Variants in ATP8A2 observed in about 807,000 individuals in gnomAD.
ATP8A2 encodes the protein ATPase phospholipid transporting 8A2, also known as phospholipid-transporting ATPase IB.
A neutral mutation model predicts 165.6 loss-of-function variants in ATP8A2; 100 were observed. That is an observed-to-expected ratio of 0.60 (90% confidence interval 0.51 to 0.71). The LOEUF (loss-of-function observed/expected upper bound fraction) is 0.71. Among genes scored for constraint, ATP8A2 ranks in the 30% least tolerant of loss-of-function variants. ATP8A2 has a pLI of 0.00. For synonymous variants in ATP8A2, 543 were observed against 548.8 expected, an observed-to-expected ratio of 0.99 and a Z score of 0.15; for missense variants, 1,227 against 1,479.5, an observed-to-expected ratio of 0.83 and a Z score of 2.80.
intron 24 of ATP8A2, among the ~76,000 whole-genome samples, chr13:25,672,047 A>G (rs990205288): frequency 5.3e-5 from 8 of 152,208 alleles, no homozygotes; most frequent in Non-Finnish European, 8.8e-5. Context: ...AAAAGAACCT[A>G]CATGAATATC....
chr13:25,415,827 T>C (rs2034117228), intron 1 of ATP8A2, among the ~76,000 whole-genome samples: 1 of 152,048 alleles, frequency 6.6e-6, no homozygotes, highest in Non-Finnish European at 1.5e-5. Context: ...TCCCTCTCTA[T>C]CCACTTATCT....
At chr13:25,699,682 C>A (rs2137914500) in intron 25 of ATP8A2, among the ~76,000 whole-genome samples, 1 of 152,266 alleles carries the variant, frequency 6.6e-6, no homozygotes. Flanking sequence ...CATGTCTGAG[C>A]TCAACTTCCA....
chr13:25,748,991 G>A (rs1011325936), intron 25 of ATP8A2, among the ~76,000 whole-genome samples: 4 of 152,232 alleles, frequency 2.6e-5, no homozygotes, highest in African/African-American at 9.6e-5. Context: ...TTTGAAAGGT[G>A]AAATGTGTAT....
intron 1 of ATP8A2, among the ~76,000 whole-genome samples, chr13:25,408,099 T>TCA (rs2033860019): frequency 1.0e-5 from 1 of 96,184 alleles, no homozygotes; most frequent in Non-Finnish European, 2.3e-5. Context: ...ATATTTGACA[T>TCA]TAAAAAAAAA....
intron 33 of ATP8A2, among the ~76,000 whole-genome samples, chr13:25,890,617 C>T (rs1041983485): frequency 6.6e-6 from 1 of 152,202 alleles, no homozygotes; most frequent in Non-Finnish European, 1.5e-5. Flanking sequence ...TTTTAGATGA[C>T]ATTTTACACA....
intron 34 of ATP8A2, 114 bp downstream of exon 34, chr13:25,961,777 G>T (rs759552033): frequency 5.0e-6 from 4 of 807,222 alleles, no homozygotes; most frequent in Non-Finnish European, 8.1e-6. Flanking sequence ...GAAGAAATGG[G>T]TCTCCTGCCA....
intron 33 of ATP8A2, among the ~76,000 whole-genome samples, chr13:25,956,104 A>G (rs1028327078): frequency 6.6e-6 from 1 of 152,170 alleles, no homozygotes; most frequent in Non-Finnish European, 1.5e-5. Context: ...TCAATAAACT[A>G]GGTATTGATG....
intron 1 of ATP8A2, among the ~76,000 whole-genome samples, chr13:25,395,747 G>A (rs2033400339): frequency 3.3e-5 from 5 of 152,110 alleles, no homozygotes; most frequent in Admixed American, 3.3e-4. Context: ...ATGTTGCTCA[G>A]GGGTGTCTCA....
At chr13:25,486,745 G>A (rs1166350151) in intron 2 of ATP8A2, among the ~76,000 whole-genome samples, 2 of 152,120 alleles carry the variant, frequency 1.3e-5, no homozygotes, top group Admixed American at 1.3e-4. Flanking sequence ...CAGGTGCTTC[G>A]CCTGAGCTCA....
intron 25 of ATP8A2, among the ~76,000 whole-genome samples, chr13:25,737,906 G>A (rs566646981): frequency 5.3e-5 from 8 of 152,212 alleles, no homozygotes; most frequent in Middle Eastern, 6.8e-3. Context: ...GGATGGTCTC[G>A]ATCTCCTGAC....
chr13:25,986,263 A>G (rs1380044260), intron 35 of ATP8A2, among the ~76,000 whole-genome samples: 1 of 152,244 alleles, frequency 6.6e-6, no homozygotes, highest in Non-Finnish European at 1.5e-5. Flanking sequence ...CAAGTATACA[A>G]TACATTATTA....
chr13:25,376,114 G>GAAA lies in ATP8A2; in HGVS notation c.76+3833_76+3835dup, dbSNP rs5802329. On this transcript the variant is annotated intron_variant, in intron 1 of 36. Transcript: ENST00000381655. The stretch of plus-strand genomic sequence containing the variant: ...GGTCTGATCCCTTCACTTTACAAAT[G>GAAA]AAAAAAAAATTCGGAGAAATTCCTT... Among the ~76,000 whole-genome samples the GAAA allele has an allele frequency of 4.6e-5, 7 of 151,660 alleles. No individual in the cohort carries two copies. In the South Asian group the frequency reaches 6.3e-4, roughly 14 times the overall value.
chr13:25,887,815 TC>T, intron 33 of ATP8A2, among the ~76,000 whole-genome samples: 1 of 152,334 alleles, frequency 6.6e-6, no homozygotes, highest in South Asian at 2.1e-4. Context: ...TATTGAGGAT[TC>T]CCAGTTTGTT....
intron 35 of ATP8A2, among the ~76,000 whole-genome samples, chr13:25,990,261 T>TGAA (rs71188705): frequency 9.2e-6 from 1 of 108,370 alleles, no homozygotes; most frequent in Non-Finnish European, 1.8e-5. Context: ...CATGTAACTG[T>TGAA]AAAAAAAAAA....
chr13:25,641,773 CA>C (rs1566005432), intron 24 of ATP8A2, among the ~76,000 whole-genome samples: 1 of 151,600 alleles, frequency 6.6e-6, no homozygotes, highest in Non-Finnish European at 1.5e-5. Flanking sequence ...CATATGGAAC[CA>C]AAAAAGAGCC....
chr13:25,465,713 TTC>T (rs1491117048), intron 1 of ATP8A2, among the ~76,000 whole-genome samples: 7 of 45,424 alleles, frequency 1.5e-4, no homozygotes, highest in African/African-American at 4.9e-4. Context: ...CTTTCTTTCT[TTC>T]TTTCTTTCTT....
chr13:25,375,459 C>G (rs1374423346), intron 1 of ATP8A2, among the ~76,000 whole-genome samples: 2 of 152,138 alleles, frequency 1.3e-5, no homozygotes, highest in African/African-American at 4.8e-5. Context: ...TTTCTATGGA[C>G]GACAGCATCA....
intron 1 of ATP8A2, among the ~76,000 whole-genome samples, chr13:25,442,677 C>T (rs1040637745): frequency 1.3e-5 from 2 of 152,176 alleles, no homozygotes; most frequent in African/African-American, 4.8e-5. Context: ...GCCTCGGCGT[C>T]CCAAAGTGCT....
intron 2 of ATP8A2, among the ~76,000 whole-genome samples, chr13:25,483,875 T>C (rs1259504580): frequency 6.6e-6 from 1 of 152,234 alleles, no homozygotes; most frequent in African/African-American, 2.4e-5. Context: ...CTCATTTTGC[T>C]CTCTAATTCT....
Sources: gnomAD v4.1 joint callset for allele counts (sites outside exome capture counted in the v4.1 genomes callset) on GRCh38, gnomAD v4.1.1 for gene constraint, MANE v1.5 for transcripts, NCBI Gene and HGNC (gene_info 2026-07-23, HGNC 2026-07-21) for gene names.